The following ZNF90 variants were observed in gnomAD, a reference collection of about 807,000 sequenced individuals.
The protein encoded by ZNF90 is zinc finger protein HTF9.
Under a neutral mutation model 12.0 loss-of-function variants are expected in ZNF90, and 11 were observed. The ratio of observed to expected loss-of-function variants is 0.92; its 90% CI spans 0.58 to 1.52. ZNF90 has a LOEUF of 1.52. ZNF90 is among the 40% of genes most tolerant of loss of function. The pLI is 0.00. For missense variants in ZNF90, 765 were observed against 711.5 expected (o/e 1.08, Z -0.86); for synonymous variants, 232 against 240.1 (o/e 0.97, Z 0.31).
At chr19:20,080,406 G>A in intron 1 of ZNF90, 1 of 388,158 alleles carries the variant, frequency 2.6e-6, no homozygotes, top group Non-Finnish European at 5.1e-6. Context: ...CAAACGGACT[G>A]TGTGGATGCG....
At chr19:20,084,388 C>G (rs2088843680) in intron 1 of ZNF90, among the ~76,000 whole-genome samples, 1 of 152,130 alleles carries the variant, frequency 6.6e-6, no homozygotes, top group African/African-American at 2.4e-5. Context: ...TCCAGTCTAC[C>G]ATTGATAGGC....
At chr19:20,111,750 T>G in intron 3 of ZNF90, among the ~76,000 whole-genome samples, 1 of 152,330 alleles carries the variant, frequency 6.6e-6, no homozygotes, top group Non-Finnish European at 1.5e-5. Context: ...GTTAAAACTA[T>G]ATTTTAATCT....
intron 3 of ZNF90, chr19:20,107,119 G>A: frequency 2.4e-6 from 1 of 408,444 alleles, no homozygotes; most frequent in South Asian, 1.8e-5. Context: ...GGCAGAATTG[G>A]CCATGATCTG....
intron 2 of ZNF90, 55 bp downstream of exon 2, chr19:20,104,420 T>G (rs1268026645): frequency 6.6e-6 from 10 of 1,524,868 alleles, no homozygotes; most frequent in African/African-American, 2.8e-5. Context: ...TGTTTTTATG[T>G]TTTTTTGTGG....
At position 20,120,478 on chromosome 19, in the gene ZNF90, T is replaced by C. The variant is rs1222200445; in HGVS notation, c.*1118T>C. On this transcript the variant is annotated 3_prime_UTR_variant, in exon 4 of 4. Transcript: ENST00000418063. ...TTGTTCAACAACAGGGAATTTATGT[T>C]AGAGAAGAATCCTGCAAATGTAGTG... 6.6e-6 allele frequency among the ~76,000 whole-genome samples: 1 copy of C among 152,200 alleles called. No homozygotes were observed. Among genetic ancestry groups the C allele is most frequent in the African/African-American group, 2.4e-5 (1 of 41,454 alleles).
chr19:20,079,834 T>C (rs927771290), intron 1 of ZNF90: 3 of 350,516 alleles, frequency 8.6e-6, no homozygotes, highest in Non-Finnish European at 1.1e-5. Flanking sequence ...TCGGCCACCC[T>C]GTCCCGGCCC....
intron 3 of ZNF90, among the ~76,000 whole-genome samples, chr19:20,113,610 A>ACC (rs1451687062): frequency 3.3e-5 from 5 of 152,090 alleles, no homozygotes; most frequent in Non-Finnish European, 7.4e-5. Flanking sequence ...CGGGCGGATC[A>ACC]TGAGGTCAGG....
chr19:20,079,888 T>TTG, intron 1 of ZNF90: 1 of 418,056 alleles, frequency 2.4e-6, no homozygotes, highest in Non-Finnish European at 4.7e-6. Context: ...AACTGCTCCT[T>TTG]CGGGAGACTG....
chr19:20,119,623 T>A lies in ZNF90; in HGVS notation c.*263T>A. On this transcript the variant is annotated 3_prime_UTR_variant, in exon 4 of 4. Transcript: ENST00000418063. ...AAAGCCTATAACAAGTTCTCAATTC[T>A]TTTTTTTTTTTTTTAAGAAGGAGTT... The A allele has an allele frequency of 7.8e-6, 1 of 128,266 alleles. No homozygotes were observed. Among genetic ancestry groups the A allele is most frequent in the Non-Finnish European group, 1.4e-5 (1 of 70,032 alleles). 7.9% of individuals were successfully genotyped at this position (128,266 alleles called of 1,614,324 possible).
intron 3 of ZNF90, among the ~76,000 whole-genome samples, chr19:20,114,635 A>G (rs532167902): frequency 2.0e-5 from 3 of 152,194 alleles, no homozygotes; most frequent in East Asian, 3.9e-4. Flanking sequence ...CGTTTTTGTC[A>G]TAGAAAGTAA....
intron 1 of ZNF90, among the ~76,000 whole-genome samples, chr19:20,097,084 A>G (rs2088953688): frequency 6.6e-6 from 1 of 152,168 alleles, no homozygotes; most frequent in Non-Finnish European, 1.5e-5. Flanking sequence ...CTTGTGGACT[A>G]ATTATGGTGA....
intron 3 of ZNF90, among the ~76,000 whole-genome samples, chr19:20,112,548 T>C (rs2089099047): frequency 6.6e-6 from 1 of 151,960 alleles, no homozygotes; most frequent in South Asian, 2.1e-4. Context: ...TCTCAGACTC[T>C]TGATCTCAGG....
intron 1 of ZNF90, chr19:20,087,627 G>A (rs2088869315): frequency 6.6e-6 from 1 of 152,288 alleles, no homozygotes; most frequent in South Asian, 2.1e-4. Flanking sequence ...CAAAAGGTGA[G>A]CTGTGCTCTG....
chr19:20,108,876 C>G (rs911074200), intron 3 of ZNF90, among the ~76,000 whole-genome samples: 7 of 151,628 alleles, frequency 4.6e-5, no homozygotes, highest in Non-Finnish European at 8.8e-5. Context: ...ACAGGCGTGC[C>G]ACCACAACTG....
intron 1 of ZNF90, among the ~76,000 whole-genome samples, chr19:20,102,293 G>C (rs1555703970): frequency 1.3e-5 from 2 of 152,054 alleles, no homozygotes; most frequent in African/African-American, 2.4e-5. Flanking sequence ...GTCATCCCTA[G>C]TCACCTGCTC....
chr19:20,106,380 A>C (rs141108972), intron 3 of ZNF90, among the ~76,000 whole-genome samples: 123 of 152,284 alleles, frequency 8.1e-4, no homozygotes, highest in African/African-American at 2.8e-3. Context: ...CCAGTGCTAC[A>C]TTAAAATAGA....
intron 1 of ZNF90, among the ~76,000 whole-genome samples, chr19:20,089,052 T>A (rs1423926730): frequency 1.3e-5 from 2 of 152,102 alleles, no homozygotes; most frequent in African/African-American, 4.8e-5. Context: ...AGACCTTGTG[T>A]GAGGCAAAAC....
intron 1 of ZNF90, among the ~76,000 whole-genome samples, chr19:20,094,944 T>TA (rs1446073484): frequency 2.6e-5 from 4 of 152,136 alleles, no homozygotes; most frequent in Non-Finnish European, 4.4e-5. Flanking sequence ...GTCGCGGAAC[T>TA]AAACTGTAAG....
chr19:20,100,519 A>G (rs1159498416), intron 1 of ZNF90, among the ~76,000 whole-genome samples: 1 of 152,028 alleles, frequency 6.6e-6, no homozygotes, highest in Non-Finnish European at 1.5e-5. Flanking sequence ...TCTACCATGG[A>G]CCCCTGGACT....
Sources: allele counts gnomAD v4.1 joint callset (sites outside exome capture counted in the v4.1 genomes callset), GRCh38; gene constraint gnomAD v4.1.1; transcripts MANE v1.5; gene names NCBI Gene and HGNC (gene_info 2026-07-23, HGNC 2026-07-21).